The following KCNQ2 variants were observed in gnomAD, a reference collection of about 807,000 sequenced individuals.
The protein encoded by KCNQ2 is potassium voltage-gated channel subfamily KQT member 2.
Under a neutral mutation model 84.8 loss-of-function variants are expected in KCNQ2, and 14 were observed. The ratio of observed to expected loss-of-function variants is 0.17; its 90% CI spans 0.11 to 0.26. The LOEUF (loss-of-function observed/expected upper bound fraction) is 0.26. Among genes scored for constraint, KCNQ2 ranks in the 10% least tolerant of loss-of-function variants. The probability of loss-of-function intolerance (pLI) is 1.00; values close to 1 mark genes in which losing one functional copy is unlikely to be tolerated. For synonymous variants in KCNQ2, 599 were observed against 554.1 expected (o/e 1.08, Z -1.14); for missense variants, 788 against 1,254.0 (o/e 0.63, Z 5.61).
intron 8 of KCNQ2, among the ~76,000 whole-genome samples, chr20:63,431,628 G>A (rs374359991): frequency 2.0e-5 from 3 of 152,188 alleles, no homozygotes; most frequent in East Asian, 3.9e-4. Context: ...GTGCAGGGGG[G>A]ATGGTGCTGA....
At chr20:63,452,982 G>A (rs565499069) in intron 1 of KCNQ2, among the ~76,000 whole-genome samples, 1 of 152,340 alleles carries the variant, frequency 6.6e-6, no homozygotes, top group East Asian at 1.9e-4. Flanking sequence ...CCAGGGCCTA[G>A]TGAGAAGCTC....
intron 4 of KCNQ2, among the ~76,000 whole-genome samples, chr20:63,443,265 T>C (rs867586162): frequency 0.041 from 299 of 7,334 alleles, 4 homozygotes; most frequent in African/African-American, 0.097. Context: ...ATCGCCACCA[T>C]CATCACCACC....
At chr20:63,456,394 G>A (rs1209063269) in intron 1 of KCNQ2, among the ~76,000 whole-genome samples, 2 of 152,200 alleles carry the variant, frequency 1.3e-5, no homozygotes, top group Admixed American at 1.3e-4. Flanking sequence ...TGCGACTCTG[G>A]ATCCTCCAGT....
intron 4 of KCNQ2, 83 bp downstream of exon 4, chr20:63,444,576 C>T (rs2081355230): frequency 1.6e-6 from 2 of 1,266,038 alleles, no homozygotes; most frequent in Non-Finnish European, 1.0e-6. Context: ...TGAAGCAAAC[C>T]CCAGGCAGGG....
At chr20:63,417,915 G>A (rs372651157) in intron 12 of KCNQ2, among the ~76,000 whole-genome samples, 4 of 152,226 alleles carry the variant, frequency 2.6e-5, no homozygotes, top group East Asian at 1.9e-4. Context: ...CAGAGCCGGC[G>A]GGAAGGAGCC....
chr20:63,456,140 A>G (rs60453313), intron 1 of KCNQ2, among the ~76,000 whole-genome samples: 21,372 of 51,136 alleles, frequency 0.42, 2,601 homozygotes, highest in East Asian at 0.63. Flanking sequence ...CTCTGCCCAC[A>G]GGCCCCCCAC....
chr20:63,434,022 G>T (rs2145681583), intron 7 of KCNQ2, 119 bp from the exon 8 acceptor site: 1 of 800,604 alleles, frequency 1.2e-6, no homozygotes, highest in Non-Finnish European at 2.0e-6. Context: ...CAGGCACTCA[G>T]GACTCTGGGC....
At position 63,444,411 on chromosome 20, in the gene KCNQ2, C is replaced by T. The variant is rs570592732; in HGVS notation, c.690+248G>A. ...GTGGCAGGGGCCAAAATGGCCTGGC[C>T]TGGCCTTTCGAAAAAGCAGCTTTCT... On this transcript the variant is annotated intron_variant, in intron 4 of 16. Transcript: ENST00000359125. 2.6e-5 allele frequency among the ~76,000 whole-genome samples: 4 copies of T among 152,336 alleles called. No homozygotes were observed. The South Asian group carries it at 6.2e-4, about 24-fold the overall frequency.
chr20:63,419,525 G>T, intron 12 of KCNQ2, 94 bp downstream of exon 12: 1 of 1,323,254 alleles, frequency 7.6e-7, no homozygotes, highest in Non-Finnish European at 1.1e-6. Context: ...TGGGGCGCCA[G>T]CCTCCCCCTG....
chr20:63,430,696 G>C (rs1203448277), intron 9 of KCNQ2, among the ~76,000 whole-genome samples: 2 of 152,234 alleles, frequency 1.3e-5, no homozygotes, highest in African/African-American at 2.4e-5. Flanking sequence ...CCTGCTCTCA[G>C]CAGTGGGGAC....
chr20:63,459,795 G>A (rs2081902254), intron 1 of KCNQ2: 1 of 152,188 alleles, frequency 6.6e-6, no homozygotes, highest in Non-Finnish European at 1.5e-5. Flanking sequence ...GGGACAGCAA[G>A]CGCACACAGG....
intron 7 of KCNQ2, among the ~76,000 whole-genome samples, chr20:63,434,947 C>T (rs1489027190): frequency 2.0e-5 from 3 of 152,182 alleles, no homozygotes; most frequent in Non-Finnish European, 4.4e-5. Context: ...TCTGTCTATA[C>T]CTAGAGGTAG....
chr20:63,454,499 G>A (rs746599786), intron 1 of KCNQ2, among the ~76,000 whole-genome samples: 4 of 152,214 alleles, frequency 2.6e-5, no homozygotes, highest in African/African-American at 4.8e-5. Context: ...TGCCTCGGCC[G>A]TGGCTCCAGG....
chr20:63,420,964 T>G (rs1005478388), intron 11 of KCNQ2, among the ~76,000 whole-genome samples: 10 of 151,926 alleles, frequency 6.6e-5, no homozygotes, highest in African/African-American at 2.4e-4. Context: ...GCTCAGAGTC[T>G]CTCCCGCTGT....
intron 15 of KCNQ2, chr20:63,411,699 G>C: frequency 1.8e-6 from 1 of 565,652 alleles, no homozygotes; most frequent in Non-Finnish European, 3.2e-6. Context: ...GTGGTACAAG[G>C]TGCTGCCGTC....
chr20:63,429,789 C>A (rs2080739154), intron 9 of KCNQ2, among the ~76,000 whole-genome samples: 1 of 152,098 alleles, frequency 6.6e-6, no homozygotes, highest in South Asian at 2.1e-4. Context: ...CTCCCTGCAC[C>A]CCACCAGCCT....
Position 63,446,926 on chromosome 20 carries a change from C to G in KCNQ2, c.297-89G>C. ...CAGAACTCAGGACCCCACTCCCCACCAGGCCGCAGCAGGGCACCAGCATGG... is the reference window on the plus strand; with the variant it reads ...CAGAACTCAGGACCCCACTCCCCACGAGGCCGCAGCAGGGCACCAGCATGG... On this transcript the variant is annotated intron_variant, in intron 1 of 16. Coordinates refer to ENST00000359125, the MANE Select transcript of KCNQ2 (RefSeq NM_172107.4). The surrounding 1 kb of genome is among the most constrained non-coding windows in gnomAD (Gnocchi z 5.5). 2 of 1,110,916 alleles carry G rather than the reference C, an allele frequency of 1.8e-6. No homozygotes were observed. The highest frequency in any genetic ancestry group is 2.8e-6 in the Non-Finnish European group (2 of 723,948). The allele number at this position is 1,110,916 out of a possible 1,614,324, so 68.8% of individuals were successfully genotyped here.
In KCNQ2 at chr20:63,407,444, C is replaced by T; in HGVS notation, c.1888-69G>A. 1 of 1,552,912 alleles carries T rather than the reference C, an allele frequency of 6.4e-7. No homozygotes were observed. The highest frequency in any genetic ancestry group is 8.7e-7 in the Non-Finnish European group (1 of 1,147,096). ...GGAGATGTGGGGACCCAGGCTGCTC[C>T]CAGGAAATGGGGGGGCCCAGGCTGG... On this transcript the variant is annotated intron_variant, in intron 16 of 16. Coordinates refer to ENST00000359125, the MANE Select transcript of KCNQ2 (RefSeq NM_172107.4). The surrounding 1 kb of genome is among the most constrained non-coding windows in gnomAD (Gnocchi z 7.2).
rs45516692 is a variant in KCNQ2, at chr20:63,411,732, C to T, written c.1763+1718G>A. 2.0e-3 allele frequency: 1,150 copies of T among 581,882 alleles called. 2 individuals are homozygous for T. Among genetic ancestry groups the T allele is most frequent in the Non-Finnish European group, 3.1e-3 (1,012 of 322,294 alleles). 36.0% of individuals were successfully genotyped at this position (581,882 alleles called of 1,614,324 possible). A position where few individuals can be genotyped will look rare whatever the true frequency, so the allele number is the denominator to read the frequency against. On this transcript the variant is annotated intron_variant, in intron 15 of 16. Coordinates refer to ENST00000359125, the MANE Select transcript of KCNQ2 (RefSeq NM_172107.4). ...GTCATGTGGCCTGGAGCGAAGGGGC[C>T]GGCCATTCCACAGACACGTCGGAGA...
Sources: allele counts gnomAD v4.1 joint callset (sites outside exome capture counted in the v4.1 genomes callset), GRCh38; gene constraint gnomAD v4.1.1; non-coding constraint Gnocchi (gnomAD v3.1); transcripts MANE v1.5; gene names NCBI Gene and HGNC (gene_info 2026-07-23, HGNC 2026-07-21).